The following ZNF577 variants were observed in gnomAD, a reference collection of about 807,000 sequenced individuals.
The protein encoded by ZNF577 is zinc finger protein 577.
Under a neutral mutation model 13.9 loss-of-function variants are expected in ZNF577, and 14 were observed. The observed-to-expected ratio is 1.00, with a 90% CI of 0.66 to 1.57. ZNF577 has a LOEUF of 1.57. ZNF577 is among the 40% of genes most tolerant of loss of function. The pLI is 0.00. For missense variants in ZNF577, 555 were observed against 579.2 expected (o/e 0.96, Z 0.43); for synonymous variants, 203 against 202.9 (o/e 1.00, Z 0.00).
chr19:51,848,720 C>T (rs1368125448), intron 5 of ZNF577, among the ~76,000 whole-genome samples: 2 of 152,192 alleles, frequency 1.3e-5, no homozygotes, highest in East Asian at 1.9e-4. Context: ...CCCACCCAGA[C>T]ATTTGTCAAT....
intron 5 of ZNF577, among the ~76,000 whole-genome samples, chr19:51,856,905 A>G (rs1451594104): frequency 2.7e-5 from 4 of 149,954 alleles, no homozygotes; most frequent in Non-Finnish European, 5.9e-5. Context: ...CATGATTTGA[A>G]TGGCTTTTGC....
chr19:51,880,303 C>A lies in ZNF577; in HGVS notation c.60+20G>T, dbSNP rs8110546. On this transcript the variant is annotated intron_variant, in intron 3 of 5. Coordinates refer to ENST00000638348, the MANE Select transcript of ZNF577 (RefSeq NM_001370449.1). ...GAAGGAAAGAAGTTTCTCAAGCTCT[C>A]ACAGCAATGACAAATTTACCTCCCC... is the stretch of plus-strand genomic sequence containing the variant. The A allele has an allele frequency of 0.16, 257,374 of 1,609,234 alleles. 27,207 individuals carry two copies. The highest frequency in any genetic ancestry group is 0.39 in the South Asian group (35,088 of 90,786).
rs1301653333 is a variant in ZNF577, at chr19:51,871,195, C to T, written c.*1337G>A. The T allele has an allele frequency of 1.3e-5, 2 of 152,126 alleles. No homozygotes were observed. The highest frequency in any genetic ancestry group is 2.1e-4 in the South Asian group (1 of 4,832). The allele number at this position is 152,126 out of a possible 1,614,324, so 9.4% of individuals were successfully genotyped here. ...CATAGCTCACTGCAGTCACTGCAGC[C>T]TAGAACTCCTGGACTCAAGCAATCA... On this transcript the variant is annotated 3_prime_UTR_variant, in exon 6 of 6. Coordinates refer to ENST00000638348, the MANE Select transcript of ZNF577 (RefSeq NM_001370449.1).
intron 6 of ZNF577, chr19:51,844,674 T>G (rs959595720): frequency 4.6e-5 from 7 of 152,190 alleles, no homozygotes; most frequent in Admixed American, 2.0e-4. Flanking sequence ...CCAGCCAGAG[T>G]GTACTTATAT....
At chr19:51,834,140 G>A (rs530855477) in intron 9 of ZNF577, among the ~76,000 whole-genome samples, 1 of 152,130 alleles carries the variant, frequency 6.6e-6, no homozygotes, top group East Asian at 1.9e-4. Context: ...ACCCAGGCTG[G>A]AGTGCAGTGG....
rs556682575 is a variant in ZNF577 at position 51,813,506 on chromosome 19, AAGG to A, written c.*600-1835_*600-1833del. 5.4e-4 allele frequency among the ~76,000 whole-genome samples: 82 copies of A among 152,016 alleles called. 1 individual carries two copies. Among genetic ancestry groups the A allele is most frequent in the Non-Finnish European group, 8.8e-4 (60 of 67,998 alleles). On this transcript the variant is annotated intron_variant and NMD_transcript_variant, in intron 9 of 10. Coordinates refer to the ZNF577 transcript ENST00000638827. Reference sequence around the variant, plus strand: ...AAGGACAGGTCCTGAAGAGACTCTGAAGGAGTCTTTATAAAGGAGGATGGGATG... The same window carrying A: ...AAGGACAGGTCCTGAAGAGACTCTGAAGTCTTTATAAAGGAGGATGGGATG...
chr19:51,847,464 T>C (rs2084358678), intron 5 of ZNF577, among the ~76,000 whole-genome samples: 1 of 151,956 alleles, frequency 6.6e-6, no homozygotes, highest in African/African-American at 2.4e-5. Context: ...ATACTCAAAC[T>C]TGGACCCCTG....
chr19:51,822,496 T>C (rs1218045943), intron 9 of ZNF577, among the ~76,000 whole-genome samples: 1 of 152,148 alleles, frequency 6.6e-6, no homozygotes, highest in African/African-American at 2.4e-5. Context: ...AGAAAGGGCT[T>C]AGAAGTCAGA....
In ZNF577 at chr19:51,878,596, C is replaced by A. The variant is rs761130342; in HGVS notation, c.61-81G>T. 6 of 1,552,396 alleles carry A rather than the reference C, an allele frequency of 3.9e-6. No homozygotes were observed. In the South Asian group the frequency reaches 5.9e-5, roughly 15 times the overall value. ...AGAGGGACGGGGACATGTCTTGATC[C>A]TTTTCTCCATGACAACGTATGCACA... On this transcript the variant is annotated intron_variant, in intron 3 of 5. Transcript: ENST00000638348.
rs963600894 is a variant in ZNF577 at position 51,887,922 on chromosome 19, C to T, written c.-1320G>A. ...TCTACCCGCCGCCCCGCGAACCCCA[C>T]ACACTGCAGACGCGACACTCGCAAG... On this transcript the variant is annotated 5_prime_UTR_variant, in exon 1 of 6. The change creates a new upstream start codon in the 5' untranslated region. Transcript: ENST00000638348. 7 of 152,290 alleles carry T rather than the reference C, an allele frequency of 4.6e-5. No individual in the cohort carries two copies. Among genetic ancestry groups the T allele is most frequent in the African/African-American group, 1.7e-4 (7 of 41,480 alleles). The allele number at this position is 152,290 out of a possible 1,614,324, so 9.4% of individuals were successfully genotyped here.
Position 51,857,413 on chromosome 19 carries a change from AG to A in ZNF577, c.284-12483del, listed in dbSNP as rs1289811905. On this transcript the variant is annotated intron_variant and NMD_transcript_variant, in intron 5 of 10. Transcript: ENST00000638827. ...AAGAAAGAAAGAAAGAAAGAAAGAA[AG>A]AAAGAAAGAAAGAAAAGAAAAAACA... Among the ~76,000 whole-genome samples, 16 of 108,686 alleles carry A rather than the reference AG, an allele frequency of 1.5e-4. 2 individuals carry two copies. The highest frequency in any genetic ancestry group is 6.0e-4 in the African/African-American group (16 of 26,674). The allele number at this position is 108,686 out of a possible 152,430, so 71.3% of individuals were successfully genotyped here. A position where few individuals can be genotyped will look rare whatever the true frequency, so the allele number is the denominator to read the frequency against.
chr19:51,819,044 G>A (rs557497165), intron 9 of ZNF577, among the ~76,000 whole-genome samples: 2 of 152,344 alleles, frequency 1.3e-5, no homozygotes, highest in African/African-American at 4.8e-5. Flanking sequence ...CATTCAGCAT[G>A]TTCTGTAGAT....
chr19:51,872,955 C>G lies in ZNF577; in HGVS notation c.1035G>C (p.Gln345His), dbSNP rs765606755. 1 of 1,614,202 alleles carries G rather than the reference C, an allele frequency of 6.2e-7. No homozygotes were observed. The highest frequency in any genetic ancestry group is 1.1e-5 in the South Asian group (1 of 91,084). Residue 345 changes from glutamine to histidine, a missense_variant, in exon 6 of 6, where the codon CAG (glutamine) becomes CAC (histidine). Gln to His is a conservative substitution (Grantham distance 24). Coordinates refer to ENST00000638348, the MANE Select transcript of ZNF577 (RefSeq NM_001370449.1). Reference protein sequence around the residue: ...FRSKSKLIQHQRTHTGERPYS... With the variant: ...FRSKSKLIQHHRTHTGERPYS... ...ATGGTCTCTCTCCAGTGTGAGTACGCTGATGCTGAATGAGCTTCGACTTGC... is the reference window on the plus strand; with the variant it reads ...ATGGTCTCTCTCCAGTGTGAGTACGGTGATGCTGAATGAGCTTCGACTTGC...
chr19:51,851,053 CA>C (rs1371935036), intron 5 of ZNF577, among the ~76,000 whole-genome samples: 2 of 152,120 alleles, frequency 1.3e-5, no homozygotes, highest in African/African-American at 4.8e-5. Flanking sequence ...AATCTATACT[CA>C]AATTCATATA....
chr19:51,867,386 T>A lies in ZNF577; in HGVS notation c.*5146A>T, dbSNP rs907383213. ...CTGAACATCGGACAAAAGATCTCTT[T>A]TCAAGAGAAAAGAAGACATGTCAGA... On this transcript the variant is annotated 3_prime_UTR_variant, in exon 6 of 6. Transcript: ENST00000638348. 6.6e-5 allele frequency among the ~76,000 whole-genome samples: 10 copies of A among 152,142 alleles called. No individual in the cohort carries two copies. The highest frequency in any genetic ancestry group is 1.2e-4 in the Non-Finnish European group (8 of 68,032).
rs1439445312 is a variant in ZNF577 at position 51,887,719 on chromosome 19, G to A, written c.-1117C>T. The A allele has an allele frequency of 6.6e-6, 1 of 152,116 alleles. No individual in the cohort carries two copies. Among genetic ancestry groups the A allele is most frequent in the Non-Finnish European group, 1.5e-5 (1 of 68,054 alleles). 9.4% of individuals were successfully genotyped at this position (152,116 alleles called of 1,614,324 possible). ...AACACGACTGCGAAACGAACTCCGA[G>A]CGAGGACTCCCCGAGAGCTCCCCGC... On this transcript the variant is annotated 5_prime_UTR_variant, in exon 1 of 6. Coordinates refer to ENST00000638348, the MANE Select transcript of ZNF577 (RefSeq NM_001370449.1).
intron 9 of ZNF577, chr19:51,823,978 T>A: frequency 6.2e-7 from 1 of 1,614,096 alleles, no homozygotes; most frequent in Non-Finnish European, 8.5e-7. Flanking sequence ...TTCAGTGCCA[T>A]CCTACCATTC....
At chr19:51,849,648 C>T (rs1435598634) in intron 5 of ZNF577, among the ~76,000 whole-genome samples, 2 of 152,132 alleles carry the variant, frequency 1.3e-5, no homozygotes, top group Non-Finnish European at 2.9e-5. Flanking sequence ...ATAAAGACAA[C>T]GCTGTTAAGG....
intron 9 of ZNF577, among the ~76,000 whole-genome samples, chr19:51,812,830 A>G (rs562599995): frequency 6.3e-4 from 96 of 152,308 alleles, no homozygotes; most frequent in African/African-American, 2.1e-3. Context: ...TGTAAACAAC[A>G]TAAATTTAGG....
Sources: gnomAD v4.1 joint callset for allele counts (sites outside exome capture counted in the v4.1 genomes callset) on GRCh38, gnomAD v4.1.1 for gene constraint, MANE v1.5 for transcripts, NCBI Gene and HGNC (gene_info 2026-07-23, HGNC 2026-07-21) for gene names.